The following NRXN1 variants were observed in gnomAD, a reference collection of about 807,000 sequenced individuals.
NRXN1 encodes neurexin-1.
A neutral mutation model predicts 150.9 loss-of-function variants in NRXN1; 39 were observed. That is an observed-to-expected ratio of 0.26 (90% CI 0.20 to 0.34). NRXN1 has a LOEUF of 0.34. Ranked by LOEUF, NRXN1 falls within the 10% of genes least tolerant of loss-of-function variation. NRXN1 has a pLI of 1.00. For synonymous variants in NRXN1, 924 were observed against 757.0 expected, an observed-to-expected ratio of 1.22 and a Z score of -3.62; for missense variants, 1,815 against 1,949.9, an observed-to-expected ratio of 0.93 and a Z score of 1.30.
chr2:50,357,402 G>A (rs570545642), intron 17 of NRXN1, among the ~76,000 whole-genome samples: 3 of 152,012 alleles, frequency 2.0e-5, no homozygotes, highest in South Asian at 4.2e-4. Flanking sequence ...TCTGCCTCCT[G>A]GGTTCAGACG....
At chr2:50,230,600 T>A (rs1003635237) in intron 18 of NRXN1, among the ~76,000 whole-genome samples, 1 of 152,084 alleles carries the variant, frequency 6.6e-6, no homozygotes, top group Non-Finnish European at 1.5e-5. Context: ...GTGGTAAGTA[T>A]GTGAACCGAG....
chr2:50,970,105 G>T (rs1227142302), intron 2 of NRXN1, among the ~76,000 whole-genome samples: 1 of 152,026 alleles, frequency 6.6e-6, no homozygotes, highest in Non-Finnish European at 1.5e-5. Context: ...GTCAAACAAG[G>T]TATATCAGAT....
intron 22 of NRXN1, among the ~76,000 whole-genome samples, chr2:49,932,213 C>T (rs568823428): frequency 6.6e-6 from 1 of 152,140 alleles, no homozygotes; most frequent in Non-Finnish European, 1.5e-5. Context: ...GCCAAGAGTT[C>T]CAGACTAGCC....
At chr2:50,017,200 G>A (rs987533231) in intron 21 of NRXN1, among the ~76,000 whole-genome samples, 1 of 152,132 alleles carries the variant, frequency 6.6e-6, no homozygotes, top group Non-Finnish European at 1.5e-5. Context: ...GATGCTAGAT[G>A]TGATATGAAT....
At chr2:50,329,161 A>T (rs1472235775) in intron 17 of NRXN1, among the ~76,000 whole-genome samples, 9 of 152,210 alleles carry the variant, frequency 5.9e-5, no homozygotes, top group Non-Finnish European at 8.8e-5. Context: ...TTAGCAATAT[A>T]TATAAAAATA....
intron 21 of NRXN1, among the ~76,000 whole-genome samples, chr2:49,993,779 C>T (rs1295894842): frequency 2.0e-5 from 3 of 152,152 alleles, no homozygotes; most frequent in South Asian, 2.1e-4. Flanking sequence ...AAGGCAATTG[C>T]TCATCATAGC....
At chr2:50,129,739 C>T (rs1705191138) in intron 18 of NRXN1, among the ~76,000 whole-genome samples, 1 of 152,096 alleles carries the variant, frequency 6.6e-6, no homozygotes, top group Non-Finnish European at 1.5e-5. Flanking sequence ...TATTTAGAGC[C>T]ATGTTAGAAT....
At chr2:50,126,949 A>G (rs796881848) in intron 18 of NRXN1, among the ~76,000 whole-genome samples, 55 of 152,296 alleles carry the variant, frequency 3.6e-4, no homozygotes, top group African/African-American at 1.3e-3. Flanking sequence ...TACTCTCCCA[A>G]TAAACCTGGA....
chr2:50,712,330 T>A (rs1023756761), intron 5 of NRXN1, among the ~76,000 whole-genome samples: 14 of 151,934 alleles, frequency 9.2e-5, no homozygotes, highest in South Asian at 2.1e-4. Flanking sequence ...TGCTATTTTT[T>A]AAAAAAAATT....
intron 5 of NRXN1, among the ~76,000 whole-genome samples, chr2:50,758,612 A>G (rs1457233074): frequency 2.6e-5 from 4 of 151,818 alleles, no homozygotes; most frequent in East Asian, 1.9e-4. Flanking sequence ...CCAGCTTATA[A>G]ACTACTTTTA....
rs1046856708 is a variant in NRXN1 at position 50,347,193 on chromosome 2, G to T, written c.3365-110223C>A. 1 of 1,351,914 alleles carries T rather than the reference G, an allele frequency of 7.4e-7. No individual in the cohort carries two copies. The highest frequency in any genetic ancestry group is 1.2e-5 in the South Asian group (1 of 81,566). The allele number at this position is 1,351,914 out of a possible 1,614,324, so 83.7% of individuals were successfully genotyped here. On this transcript the variant is annotated intron_variant, in intron 17 of 22. Transcript: ENST00000401669. The surrounding 1 kb of genome is among the most constrained non-coding windows in gnomAD (Gnocchi z 4.9). ...AATGCAGCTGGAGAGGGGCTTGTCC[G>T]GAAAGGCAGCCCCGGGAACAGCAAG...
intron 5 of NRXN1, among the ~76,000 whole-genome samples, chr2:50,699,732 C>T (rs372366701): frequency 6.6e-6 from 1 of 152,010 alleles, no homozygotes. Context: ...CCTGCCAACA[C>T]CTTGCCTTTG....
intron 21 of NRXN1, among the ~76,000 whole-genome samples, chr2:50,002,304 G>A (rs1260663935): frequency 6.6e-6 from 1 of 152,046 alleles, no homozygotes; most frequent in African/African-American, 2.4e-5. Context: ...GGGAGGAAAC[G>A]AAAAAGCTTA....
chr2:50,281,614 C>T (rs2071475964), intron 17 of NRXN1, among the ~76,000 whole-genome samples: 1 of 152,068 alleles, frequency 6.6e-6, no homozygotes, highest in African/African-American at 2.4e-5. Flanking sequence ...TTCCTGGTCC[C>T]TGCACTAAGG....
chr2:50,953,615 C>T (rs901854825), intron 2 of NRXN1, among the ~76,000 whole-genome samples: 1 of 148,570 alleles, frequency 6.7e-6, no homozygotes, highest in East Asian at 2.0e-4. Context: ...GGAGTGCCAT[C>T]GCATGATCTC....
intron 5 of NRXN1, among the ~76,000 whole-genome samples, chr2:50,914,171 G>T (rs1165256447): frequency 6.6e-6 from 1 of 151,664 alleles, no homozygotes; most frequent in Admixed American, 6.6e-5. Flanking sequence ...TGTGGACCTG[G>T]ACGCACTGAT....
At chr2:50,629,446 G>A (rs1291513048) in intron 5 of NRXN1, among the ~76,000 whole-genome samples, 1 of 151,604 alleles carries the variant, frequency 6.6e-6, no homozygotes, top group Non-Finnish European at 1.5e-5. Flanking sequence ...TGTAAATCAA[G>A]ACAGTGGCTA....
chr2:50,057,184 T>C (rs2152634998), intron 19 of NRXN1, among the ~76,000 whole-genome samples: 1 of 152,274 alleles, frequency 6.6e-6, no homozygotes, highest in South Asian at 2.1e-4. Flanking sequence ...ACTTCCACAA[T>C]CTGGTCCCTT....
At chr2:50,510,963 A>C (rs1342465702) in intron 12 of NRXN1, among the ~76,000 whole-genome samples, 2 of 152,222 alleles carry the variant, frequency 1.3e-5, no homozygotes, top group Non-Finnish European at 2.9e-5. Flanking sequence ...TCTACAAATA[A>C]GAAACATGAA....
Sources: gnomAD v4.1 joint callset for allele counts (sites outside exome capture counted in the v4.1 genomes callset) on GRCh38, gnomAD v4.1.1 for gene constraint, Gnocchi (gnomAD v3.1) non-coding constraint, MANE v1.5 for transcripts, NCBI Gene and HGNC (gene_info 2026-07-23, HGNC 2026-07-21) for gene names.